Variants in PKD1L3 observed in about 807,000 individuals in gnomAD.
PKD1L3 encodes polycystin 1 like 3, transient receptor potential channel interacting.
In PKD1L3, 239 loss-of-function variants were observed where a neutral mutation model predicts 184.1. The ratio of observed to expected loss-of-function variants is 1.30; its 90% confidence interval spans 1.17 to 1.45. PKD1L3 has a LOEUF of 1.45. Among genes scored for constraint, PKD1L3 ranks in the 40% most tolerant of loss-of-function variants. PKD1L3 has a pLI of 0.00. For synonymous variants in PKD1L3, 996 were observed against 778.8 expected (o/e 1.28, Z -4.64); for missense variants, 2,660 against 2,067.2 (o/e 1.29, Z -5.56).
chr16:71,970,333 A>T (rs1320405887), intron 12 of PKD1L3, among the ~76,000 whole-genome samples: 1 of 152,242 alleles, frequency 6.6e-6, no homozygotes, highest in Admixed American at 6.5e-5. Flanking sequence ...TTCTGAGTGT[A>T]TACATGTTCT....
In PKD1L3 at chr16:71,942,779, T is replaced by C. The variant is rs1314269581; in HGVS notation, c.4105A>G (p.Ile1369Val). Reference protein sequence around the residue: ...CKCGVQLIFQIPRTKTYEKVD... With the variant: ...CKCGVQLIFQVPRTKTYEKVD... ...TTCTCATAGGTCTTGGTACGGGGTA[T>C]TTGGAAAATTAATTGTACCCCACAT... is the stretch of plus-strand genomic sequence containing the variant. Residue 1369 changes from isoleucine to valine, a missense_variant, in exon 24 of 30, where the codon ATA (isoleucine) becomes GTA (valine). Transcript: ENST00000620267. 3 of 1,551,624 alleles carry C rather than the reference T, an allele frequency of 1.9e-6. No homozygotes were observed. The highest frequency in any genetic ancestry group is 3.9e-5 in the Admixed American group (2 of 50,982).
rs201491908 is a variant in PKD1L3 at position 71,954,233 on chromosome 16, C to T, written c.2681G>A (p.Arg894Gln). ...QDYLWLSIAT[R>Q]HPWNQFTRVQ... The stretch of plus-strand genomic sequence containing the variant: ...CCTTGTAAACTGGTTCCAGGGATGC[C>T]GAGTTGCAATTGAAAGCCACAGATA... The change falls in exon 17 of 30, where the codon CGG becomes CAG. Residue 894 changes from arginine to glutamine, a missense_variant. Transcript: ENST00000620267. 3,991 of 1,550,636 alleles carry T rather than the reference C, an allele frequency of 2.6e-3. 7 individuals are homozygous for T. Among genetic ancestry groups the T allele is most frequent in the Non-Finnish European group, 3.2e-3 (3,710 of 1,146,488 alleles).
intron 2 of PKD1L3, among the ~76,000 whole-genome samples, chr16:71,996,689 T>C (rs546488580): frequency 6.6e-6 from 1 of 152,292 alleles, no homozygotes; most frequent in South Asian, 2.1e-4. Flanking sequence ...AATGGCACCA[T>C]AGAGTACGTA....
At chr16:71,959,320 G>A (rs560627641) in intron 16 of PKD1L3, among the ~76,000 whole-genome samples, 2 of 152,006 alleles carry the variant, frequency 1.3e-5, no homozygotes, top group Non-Finnish European at 2.9e-5. Context: ...TGAGGCAGGA[G>A]AATCACTTGA....
intron 18 of PKD1L3, among the ~76,000 whole-genome samples, 184 bp from the exon 19 acceptor site, chr16:71,951,928 A>T (rs994350022): frequency 6.6e-6 from 1 of 152,188 alleles, no homozygotes; most frequent in African/African-American, 2.4e-5. Flanking sequence ...TGGTAGCTGC[A>T]ATACCAGTTT....
At position 71,967,291 on chromosome 16, in the gene PKD1L3, C is replaced by T; in HGVS notation, c.2311G>A (p.Glu771Lys). Residue 771 changes from glutamate to lysine, a missense_variant, in exon 15 of 30, where the codon GAG becomes AAG. Transcript: ENST00000620267. ...AGGTGATGGGGCTCACTCCGTCCCT[C>T]TGATCCATAGAGGGTGATGACAACC... is the stretch of plus-strand genomic sequence containing the variant. ...AKVVITLYGSEGRSEPHHLCD... is the reference protein window; with the variant it reads ...AKVVITLYGSKGRSEPHHLCD... The T allele has an allele frequency of 6.4e-7, 1 of 1,551,500 alleles. No homozygotes were observed. The highest frequency in any genetic ancestry group is 1.2e-5 in the South Asian group (1 of 84,036).
intron 3 of PKD1L3, 53 bp from the exon 4 acceptor site, chr16:71,990,382 A>G (rs2040541749): frequency 7.0e-7 from 1 of 1,432,236 alleles, no homozygotes; most frequent in African/African-American, 1.4e-5. Flanking sequence ...AGACAGAAAT[A>G]TTCGTTTTAC....
rs1316421554 is a variant in PKD1L3 at position 71,950,026 on chromosome 16, C to T, written c.3384-9G>A. On this transcript the variant is annotated splice_polypyrimidine_tract_variant and intron_variant, in intron 20 of 29. Transcript: ENST00000620267. ...CAAAACTGGTGACTTCCCTGAAGCACAAAAGTTGAGGGAATAATCTTGTAT... is the reference window on the plus strand; with the variant it reads ...CAAAACTGGTGACTTCCCTGAAGCATAAAAGTTGAGGGAATAATCTTGTAT... 2 of 1,550,864 alleles carry T rather than the reference C, an allele frequency of 1.3e-6. No homozygotes were observed. The highest frequency in any genetic ancestry group is 1.2e-5 in the South Asian group (1 of 84,012).
chr16:71,960,218 G>C (rs550263639), intron 16 of PKD1L3, among the ~76,000 whole-genome samples: 1 of 118,502 alleles, frequency 8.4e-6, no homozygotes, highest in Non-Finnish European at 2.0e-5. Context: ...TGACAATGTG[G>C]AAAGTAGATA....
chr16:71,977,320 G>A lies in PKD1L3; in HGVS notation c.1675C>T (p.Leu559Phe), dbSNP rs1203314141. The change falls in exon 11 of 30, where the codon CTC (leucine) becomes TTC (phenylalanine). Residue 559 changes from leucine to phenylalanine, a missense_variant. Leu to Phe is a conservative substitution (Grantham distance 22). Coordinates refer to ENST00000620267, the MANE Select transcript of PKD1L3 (RefSeq NM_181536.2). ...IDPDSPLLMT[L>F]YLGFQYQPNC... ...GGCTGATACTGGAACCCCAGGTAGA[G>A]TGTCATTAAAAGGGGACTGTCAGGA... is the stretch of plus-strand genomic sequence containing the variant. The A allele has an allele frequency of 7.8e-6, 12 of 1,545,366 alleles. No individual in the cohort carries two copies. Among genetic ancestry groups the A allele is most frequent in the Non-Finnish European group, 1.1e-5 (12 of 1,141,358 alleles).
At chr16:71,990,353 A>G in intron 3 of PKD1L3, 24 bp from the exon 4 acceptor site, 1 of 1,522,426 alleles carries the variant, frequency 6.6e-7, no homozygotes, top group Non-Finnish European at 8.9e-7. Context: ...AAAGCAGACT[A>G]AGTTCAAGTA....
intron 2 of PKD1L3, among the ~76,000 whole-genome samples, chr16:71,994,179 G>C (rs986388648): frequency 2.6e-5 from 4 of 152,150 alleles, no homozygotes; most frequent in Non-Finnish European, 4.4e-5. Context: ...CTATGGCTCA[G>C]CTTAAATTCG....
rs1233528554 is a variant in PKD1L3 at position 71,935,411 on chromosome 16, C to A, written c.4560G>T (p.Lys1520Asn). The change falls in exon 26 of 30, where the codon AAG (lysine) becomes AAT (asparagine). Residue 1520 changes from lysine to asparagine, a missense_variant. Lys to Asn is a moderately conservative substitution (Grantham distance 94). Transcript: ENST00000620267. ...ISFILLGLDM[K>N]SISLHKKNMA... Reference sequence around the variant, plus strand: ...TGTTTTTCTTATGTAGAGAAATACTCTTCATGTCAAGCCCCAGGAGGATGA... The same window carrying A: ...TGTTTTTCTTATGTAGAGAAATACTATTCATGTCAAGCCCCAGGAGGATGA... 3 of 1,551,734 alleles carry A rather than the reference C, an allele frequency of 1.9e-6. No individual in the cohort carries two copies. In the African/African-American group the frequency reaches 4.1e-5, roughly 21 times the overall value.
rs766121874 is a variant in PKD1L3 at position 71,933,386 on chromosome 16, T to G, written c.4926+34A>C. ...CCCCAATTTTCCTTGTTCAATATAT[T>G]GAATTCTGTGAGGAAACAAATTATT... On this transcript the variant is annotated intron_variant, in intron 28 of 29. Coordinates refer to ENST00000620267, the MANE Select transcript of PKD1L3 (RefSeq NM_181536.2). The G allele has an allele frequency of 6.1e-6, 9 of 1,467,698 alleles. No homozygotes were observed. In the South Asian group the frequency reaches 9.7e-5, roughly 16 times the overall value. 90.9% of individuals were successfully genotyped at this position (1,467,698 alleles called of 1,614,324 possible).
Position 71,967,979 on chromosome 16 carries a change from T to A in PKD1L3, c.2213A>T (p.Asp738Val). The part of the protein sequence containing the change: ...KVKVTVLADN[D>V]PSAQFHYLIQ... ...AAGGTAGTGAAATTGAGCGCTGGGG[T>A]CATTATCAGCCAGGACAGTGACCTT... The change falls in exon 14 of 30, where the codon GAC becomes GTC. Residue 738 changes from aspartate to valine, a missense_variant. Physicochemically the swap from Asp to Val is radical, Grantham distance 152. Coordinates refer to ENST00000620267, the MANE Select transcript of PKD1L3 (RefSeq NM_181536.2). 1 of 1,551,482 alleles carries A rather than the reference T, an allele frequency of 6.4e-7. No individual in the cohort carries two copies. The highest frequency in any genetic ancestry group is 8.7e-7 in the Non-Finnish European group (1 of 1,146,876).
chr16:71,967,416 C>G (rs1310721911), intron 14 of PKD1L3, 101 bp from the exon 15 acceptor site: 1 of 1,169,562 alleles, frequency 8.6e-7, no homozygotes, highest in Non-Finnish European at 1.2e-6. Context: ...CTATTTAGAT[C>G]AAGTCTTTCG....
chr16:71,996,191 G>C (rs978613071), intron 2 of PKD1L3, among the ~76,000 whole-genome samples: 5 of 148,924 alleles, frequency 3.4e-5, no homozygotes, highest in Non-Finnish European at 7.4e-5. Context: ...CGCTGATACA[G>C]TCATGTCAAA....
In PKD1L3 at chr16:72,000,226, A is replaced by G. The variant is rs1012769819; in HGVS notation, c.-248T>C. On this transcript the variant is annotated 5_prime_UTR_variant, in exon 1 of 30. Coordinates refer to ENST00000620267, the MANE Select transcript of PKD1L3 (RefSeq NM_181536.2). ...CCCACCATCTGTGTCTACCTACCGA[A>G]TATGCCTTTAGCAAATAGAGATCGA... 1.2e-4 allele frequency among the ~76,000 whole-genome samples: 18 copies of G among 152,216 alleles called. No homozygotes were observed. Among genetic ancestry groups the G allele is most frequent in the Non-Finnish European group, 2.1e-4 (14 of 68,052 alleles).
At chr16:71,950,621 A>C (rs936022937) in intron 19 of PKD1L3, among the ~76,000 whole-genome samples, 3 of 152,206 alleles carry the variant, frequency 2.0e-5, no homozygotes, top group Admixed American at 2.0e-4. Context: ...GAGAATCCAT[A>C]AATTCCATAA....
Sources: gnomAD v4.1 joint callset for allele counts (sites outside exome capture counted in the v4.1 genomes callset) on GRCh38, gnomAD v4.1.1 for gene constraint, MANE v1.5 for transcripts, NCBI Gene and HGNC (gene_info 2026-07-23, HGNC 2026-07-21) for gene names.